MMP26: variants seen among roughly 807,000 people sequenced by gnomAD.
MMP26 encodes matrix metallopeptidase 26.
Under a neutral mutation model 31.0 loss-of-function variants are expected in MMP26, and 33 were observed. The ratio of observed to expected loss-of-function variants is 1.06; its 90% CI spans 0.81 to 1.42. MMP26 has a LOEUF of 1.42. Ranked by LOEUF, MMP26 falls within the 40% of genes most tolerant of loss-of-function variation. The pLI is 0.00. For missense variants in MMP26, 347 were observed against 316.1 expected, an observed-to-expected ratio of 1.10 and a Z score of -0.74; for synonymous variants, 122 against 114.9, an observed-to-expected ratio of 1.06 and a Z score of -0.40.
At chr11:4,963,535 T>C (rs545034035) in intron 2 of MMP26, among the ~76,000 whole-genome samples, 33 of 152,178 alleles carry the variant, frequency 2.2e-4, no homozygotes, top group African/African-American at 7.9e-4. Context: ...CCAAAACGGA[T>C]ATATAGACCG....
At chr11:4,786,935 T>C (rs756488416) in intron 2 of MMP26, 1 of 152,732 alleles carries the variant, frequency 6.5e-6, no homozygotes, top group Non-Finnish European at 1.5e-5. Flanking sequence ...CATGAACCCA[T>C]GTACTGTTTT....
chr11:4,774,508 T>C (rs1252004229), intron 2 of MMP26, among the ~76,000 whole-genome samples: 1 of 152,188 alleles, frequency 6.6e-6, no homozygotes, highest in African/African-American at 2.4e-5. Context: ...TTTGAGTTCC[T>C]TGTAGATTCT....
chr11:4,858,899 G>A (rs1259010992), intron 2 of MMP26, among the ~76,000 whole-genome samples: 3 of 152,190 alleles, frequency 2.0e-5, no homozygotes, highest in African/African-American at 7.2e-5. Context: ...ACAGAACAGA[G>A]CCCTCAGAAT....
chr11:4,772,413 C>T (rs561019573), intron 2 of MMP26, among the ~76,000 whole-genome samples: 2 of 124,884 alleles, frequency 1.6e-5, no homozygotes, highest in African/African-American at 2.6e-5. Flanking sequence ...AAACTTTACA[C>T]CCAGTCTCTA....
chr11:4,858,553 CT>C (rs1162504386), intron 2 of MMP26, among the ~76,000 whole-genome samples: 1 of 152,160 alleles, frequency 6.6e-6, no homozygotes, highest in Non-Finnish European at 1.5e-5. Context: ...CTACAAACCA[CT>C]GCTCAACAAA....
intron 2 of MMP26, among the ~76,000 whole-genome samples, chr11:4,801,469 TGA>T (rs1328051988): frequency 6.6e-6 from 1 of 151,922 alleles, no homozygotes; most frequent in African/African-American, 2.4e-5. Flanking sequence ...GGAGTGGGAA[TGA>T]GAGAGAGAAG....
chr11:4,804,144 G>A (rs1849228908), intron 2 of MMP26: 1 of 1,614,050 alleles, frequency 6.2e-7, no homozygotes, highest in African/African-American at 1.3e-5. Context: ...TAGGTTGAGT[G>A]GAGGAGGAGA....
rs1427825950 is a variant in MMP26 at position 4,704,865 on chromosome 11, G to C, written c.-397G>C. The stretch of plus-strand genomic sequence containing the variant: ...TTTGTCCAGGGGCAGGGCTGATCAG[G>C]GGCTGATTCCGCAGCTATAGTAGTA... On this transcript the variant is annotated 5_prime_UTR_variant, in exon 1 of 8. Transcript: ENST00000380390. The C allele has an allele frequency of 6.6e-6, 1 of 152,130 alleles. No homozygotes were observed. The highest frequency in any genetic ancestry group is 1.5e-5 in the Non-Finnish European group (1 of 68,036). The allele number at this position is 152,130 out of a possible 1,614,324, so 9.4% of individuals were successfully genotyped here. A position where few individuals can be genotyped will look rare whatever the true frequency, so the allele number is the denominator to read the frequency against.
rs368566259 is a variant in MMP26 at position 4,907,947 on chromosome 11, A to T, written c.-144-80121A>T. The T allele has an allele frequency of 9.4e-5, 152 of 1,614,036 alleles. No individual in the cohort carries two copies. In the Middle Eastern group the frequency reaches 1.5e-3, roughly 16 times the overall value. On this transcript the variant is annotated intron_variant, in intron 2 of 7. Transcript: ENST00000380390. ...ATGAAGCTGGCCTGCTCTGACAACA[A>T]GACCAATGTCATCTATGGCTTCTTC...
chr11:4,742,956 C>G (rs543635427), intron 1 of MMP26, among the ~76,000 whole-genome samples: 1 of 152,204 alleles, frequency 6.6e-6, no homozygotes, highest in South Asian at 2.1e-4. Context: ...ATAATTTGCA[C>G]TCTTTCATCT....
chr11:4,859,159 T>A (rs1209830627), intron 2 of MMP26, among the ~76,000 whole-genome samples: 1 of 152,194 alleles, frequency 6.6e-6, no homozygotes, highest in Non-Finnish European at 1.5e-5. Context: ...GACATAGGCG[T>A]GGGCAAAGAC....
chr11:4,933,899 G>A (rs1404300678), intron 2 of MMP26, among the ~76,000 whole-genome samples: 1 of 149,230 alleles, frequency 6.7e-6, no homozygotes, highest in Admixed American at 6.7e-5. Flanking sequence ...CAAAGGACGT[G>A]AACTCATCAT....
At chr11:4,713,397 A>G (rs1847886530) in intron 1 of MMP26, among the ~76,000 whole-genome samples, 1 of 152,102 alleles carries the variant, frequency 6.6e-6, no homozygotes. Flanking sequence ...GTCTGTTATT[A>G]GTCACCTTCT....
At chr11:4,889,440 T>C (rs1850586893) in intron 2 of MMP26, among the ~76,000 whole-genome samples, 1 of 152,300 alleles carries the variant, frequency 6.6e-6, no homozygotes, top group East Asian at 1.9e-4. Context: ...TTTCTGAATA[T>C]TTTTTATCCG....
At chr11:4,804,595 T>C (rs534369454) in intron 2 of MMP26, 29 of 742,674 alleles carry the variant, frequency 3.9e-5, no homozygotes, top group South Asian at 3.7e-4. Context: ...CGTACTTATG[T>C]CATTCAAAAT....
intron 2 of MMP26, chr11:4,946,657 T>C: frequency 1.3e-6 from 2 of 1,591,454 alleles, no homozygotes; most frequent in South Asian, 1.1e-5. Context: ...AGGAGAATAC[T>C]ATCCCTATTT....
chr11:4,793,369 A>G (rs776220758), intron 2 of MMP26, among the ~76,000 whole-genome samples: 1 of 152,136 alleles, frequency 6.6e-6, no homozygotes, highest in Non-Finnish European at 1.5e-5. Context: ...GGCTTTTACA[A>G]ATTGATAAAA....
intron 2 of MMP26, among the ~76,000 whole-genome samples, chr11:4,957,322 TG>T (rs1209304282): frequency 3.3e-5 from 5 of 152,204 alleles, no homozygotes; most frequent in African/African-American, 9.7e-5. Flanking sequence ...AGAATATATT[TG>T]CAAATAAAAG....
intron 2 of MMP26, among the ~76,000 whole-genome samples, chr11:4,892,160 T>G (rs1198845166): frequency 6.6e-6 from 1 of 152,126 alleles, no homozygotes; most frequent in East Asian, 1.9e-4. Flanking sequence ...TCCTCCAGAA[T>G]GAGACTATCA....
Sources: allele counts gnomAD v4.1 joint callset (sites outside exome capture counted in the v4.1 genomes callset), GRCh38; gene constraint gnomAD v4.1.1; transcripts MANE v1.5; gene names NCBI Gene and HGNC (gene_info 2026-07-23, HGNC 2026-07-21).